ILKAP: variants seen among roughly 807,000 people sequenced by gnomAD.
ILKAP encodes the protein integrin-linked kinase-associated serine/threonine phosphatase 2C.
Under a neutral mutation model 49.1 loss-of-function variants are expected in ILKAP, and 11 were observed. The ratio of observed to expected loss-of-function variants is 0.22; its 90% CI spans 0.14 to 0.37. ILKAP has a LOEUF of 0.37. Among genes scored for constraint, ILKAP ranks in the 10% least tolerant of loss-of-function variants. The pLI is 1.00. For missense variants in ILKAP, 363 were observed against 510.8 expected, an observed-to-expected ratio of 0.71 and a Z score of 2.79; for synonymous variants, 186 against 192.8, an observed-to-expected ratio of 0.96 and a Z score of 0.29.
At chr2:238,203,443 GC>G in intron 1 of ILKAP, 55 bp downstream of exon 1, 1 of 1,029,572 alleles carries the variant, frequency 9.7e-7, no homozygotes, top group South Asian at 3.0e-5. Flanking sequence ...GCCTCAGGCC[GC>G]CCCCATCCCG....
At position 238,173,607 on chromosome 2, in the gene ILKAP, C is replaced by A. The variant is rs770210214; in HGVS notation, c.883G>T (p.Asp295Tyr). 6.2e-7 allele frequency: 1 copy of A among 1,614,078 alleles called. No homozygotes were observed. Among genetic ancestry groups the A allele is most frequent in the Non-Finnish European group, 8.5e-7 (1 of 1,179,966 alleles). The change falls in exon 10 of 12, where the codon GAC becomes TAC. Residue 295 changes from aspartate (D) to tyrosine (Y), a missense_variant. By Grantham distance (160) the Asp-to-Tyr change is radical. Around this residue, in one of 3 missense-constraint regions of ILKAP, gnomAD observed 166 missense variants for 307.3 expected, o/e 0.54. Coordinates refer to ENST00000254654, the MANE Select transcript of ILKAP (RefSeq NM_030768.3). ...GVLEVSRSIG[D>Y]GQYKRCGVTS... The stretch of plus-strand genomic sequence containing the variant: ...ACACCGCAGCGCTTGTACTGCCCGT[C>A]CCCAATGGAGCGTGACACCTCTAGC...
chr2:238,170,897 T>C (rs1467619833), intron 11 of ILKAP, 46 bp downstream of exon 11: 17 of 1,561,458 alleles, frequency 1.1e-5, no homozygotes, highest in Non-Finnish European at 1.5e-5. Context: ...CTCTGAAAAC[T>C]AAGACACAAT....
chr2:238,177,648 G>C (rs960081613), intron 9 of ILKAP, among the ~76,000 whole-genome samples: 1 of 152,154 alleles, frequency 6.6e-6, no homozygotes, highest in Non-Finnish European at 1.5e-5. Context: ...GCATGGGTCA[G>C]AATTTCCTTC....
chr2:238,171,142 G>GTT, intron 10 of ILKAP, 118 bp from the exon 11 acceptor site: 45 of 551,874 alleles, frequency 8.2e-5, no homozygotes, highest in Non-Finnish European at 9.0e-5. Context: ...AAAGGCTAAG[G>GTT]TTTTTTTTTT....
intron 8 of ILKAP, among the ~76,000 whole-genome samples, chr2:238,182,462 G>T (rs1390784232): frequency 1.3e-5 from 2 of 152,184 alleles, no homozygotes. Flanking sequence ...TCTGGCTGTT[G>T]TCACATTTGT....
chr2:238,203,611 C>T lies in ILKAP; in HGVS notation c.-58G>A. 2.9e-6 allele frequency: 3 copies of T among 1,046,022 alleles called. No individual in the cohort carries two copies. Among genetic ancestry groups the T allele is most frequent in the Non-Finnish European group, 3.5e-6 (3 of 845,708 alleles). The allele number at this position is 1,046,022 out of a possible 1,614,324, so 64.8% of individuals were successfully genotyped here. On this transcript the variant is annotated 5_prime_UTR_variant, in exon 1 of 12. Transcript: ENST00000254654. ...AGACACTCAGCCCGCGAGCAGCGGC[C>T]GGGCTCCACACCCCGGGCGGGCGGC...
At chr2:238,198,285 T>C (rs540799607) in intron 1 of ILKAP, among the ~76,000 whole-genome samples, 2 of 151,256 alleles carry the variant, frequency 1.3e-5, no homozygotes, top group African/African-American at 2.4e-5. Context: ...GTGAGCCAGG[T>C]TGGAGTGCAG....
At chr2:238,186,573 G>T (rs2106334476) in intron 5 of ILKAP, 1 of 152,232 alleles carries the variant, frequency 6.6e-6, no homozygotes. Flanking sequence ...GGATATTACA[G>T]AATTGTTACT....
intron 5 of ILKAP, chr2:238,185,619 C>G (rs1041312585): frequency 1.4e-5 from 3 of 208,016 alleles, no homozygotes; most frequent in Non-Finnish European, 3.0e-5. Context: ...CTGGCTAACA[C>G]GGTGAAACCC....
intron 1 of ILKAP, among the ~76,000 whole-genome samples, chr2:238,199,264 C>T (rs893900739): frequency 5.3e-5 from 8 of 152,222 alleles, no homozygotes; most frequent in African/African-American, 1.9e-4. Flanking sequence ...CCACAATCAA[C>T]AATCTGATAC....
chr2:238,171,111 T>C, intron 10 of ILKAP, 87 bp from the exon 11 acceptor site: 1 of 850,892 alleles, frequency 1.2e-6, no homozygotes, highest in East Asian at 2.5e-5. Flanking sequence ...GGAGATAAAA[T>C]AAATATTTGT....
At chr2:238,195,005 C>A in intron 1 of ILKAP, 135 bp from the exon 2 acceptor site, 1 of 650,080 alleles carries the variant, frequency 1.5e-6, no homozygotes, top group South Asian at 2.1e-5. Context: ...TCCTGTTGGG[C>A]AAATTTTTAA....
At chr2:238,177,413 AT>A (rs1471347722) in intron 9 of ILKAP, among the ~76,000 whole-genome samples, 1 of 152,168 alleles carries the variant, frequency 6.6e-6, no homozygotes, top group East Asian at 1.9e-4. Context: ...CAGCACCACC[AT>A]CCATCCCCAG....
chr2:238,180,126 G>A (rs757183110), intron 9 of ILKAP, among the ~76,000 whole-genome samples: 12 of 151,556 alleles, frequency 7.9e-5, no homozygotes, highest in Non-Finnish European at 1.5e-4. Flanking sequence ...AGCTGTGATC[G>A]TGCCACTGCA....
At chr2:238,179,607 G>C (rs1319795211) in intron 9 of ILKAP, among the ~76,000 whole-genome samples, 1 of 152,110 alleles carries the variant, frequency 6.6e-6, no homozygotes, top group Non-Finnish European at 1.5e-5. Context: ...ATGACGCAAG[G>C]CAACAGGAGC....
At chr2:238,185,530 G>T (rs565930369) in intron 5 of ILKAP, 29 of 388,724 alleles carry the variant, frequency 7.5e-5, no homozygotes, top group Non-Finnish European at 1.3e-4. Flanking sequence ...TGGGCCAGGT[G>T]TGGTGGCTCA....
At chr2:238,186,733 C>T (rs552106337) in intron 5 of ILKAP, 21 of 151,032 alleles carry the variant, frequency 1.4e-4, no homozygotes, top group African/African-American at 4.6e-4. Context: ...AAAATGCCCA[C>T]GAGAAATGAC....
chr2:238,190,589 C>T (rs1037490153), intron 3 of ILKAP, among the ~76,000 whole-genome samples: 6 of 152,078 alleles, frequency 3.9e-5, no homozygotes, highest in Non-Finnish European at 7.4e-5. Flanking sequence ...TTCACCCGTG[C>T]GTAACATGGT....
chr2:238,174,482 G>C (rs757340386), intron 9 of ILKAP, among the ~76,000 whole-genome samples: 1 of 152,196 alleles, frequency 6.6e-6, no homozygotes, highest in Non-Finnish European at 1.5e-5. Flanking sequence ...CAAATGCCAC[G>C]GCTGCGCATG....
Sources: gnomAD v4.1 joint callset for allele counts (sites outside exome capture counted in the v4.1 genomes callset) on GRCh38, gnomAD v4.1.1 for gene constraint, gnomAD v4.1.1 regional missense constraint, MANE v1.5 for transcripts, NCBI Gene and HGNC (gene_info 2026-07-23, HGNC 2026-07-21) for gene names.